Variants in C2orf74 observed in about 807,000 individuals in gnomAD.
C2orf74 encodes the protein uncharacterized protein C2orf74.
In C2orf74, 14 loss-of-function variants were observed where a neutral mutation model predicts 17.9. That is an observed-to-expected ratio of 0.78 (90% confidence interval 0.52 to 1.22). The LOEUF is 1.22. Among genes scored for constraint, C2orf74 ranks in the 50% most tolerant of loss-of-function variants. The pLI is 0.00. For synonymous variants in C2orf74, 79 were observed against 72.6 expected (o/e 1.09, Z -0.44); for missense variants, 217 against 218.4 (o/e 0.99, Z 0.04).
upstream of C2orf74, among the ~76,000 whole-genome samples, chr2:61,161,068 A>C (rs2103642884): frequency 6.6e-6 from 1 of 152,254 alleles, no homozygotes; most frequent in South Asian, 2.1e-4. Flanking sequence ...CCTCACCAAT[A>C]CTTTTTTTTC....
At chr2:61,157,963 ACG>A (rs1226539718), upstream of C2orf74, 19 of 471,112 alleles carry the variant, frequency 4.0e-5, no homozygotes, top group East Asian at 1.3e-3. Flanking sequence ...TCCTGTCACC[ACG>A]AGTGGACACC....
At chr2:61,161,932 A>C (rs1685573136), upstream of C2orf74, 1 of 153,516 alleles carries the variant, frequency 6.5e-6, no homozygotes, top group Non-Finnish European at 1.5e-5. Context: ...GGCTCAGATT[A>C]GGAAAGGAAA....
chr2:61,163,659 A>G (rs1685643437), intron 4 of C2orf74, among the ~76,000 whole-genome samples: 1 of 152,048 alleles, frequency 6.6e-6, no homozygotes, highest in South Asian at 2.1e-4. Flanking sequence ...GTTGCATATA[A>G]CTTAGGTTTG....
upstream of C2orf74, chr2:61,157,774 C>T (rs1003022980): frequency 8.1e-5 from 35 of 432,596 alleles, no homozygotes; most frequent in Non-Finnish European, 1.5e-5. Flanking sequence ...TGTCCACTGC[C>T]CCTAGTTTCC....
intron 1 of C2orf74, among the ~76,000 whole-genome samples, chr2:61,153,303 C>T (rs1227739123): frequency 6.6e-6 from 1 of 151,934 alleles, no homozygotes; most frequent in African/African-American, 2.4e-5. Flanking sequence ...TTTTTTGAGA[C>T]GGAGTCTCGC....
rs981533855 is a variant in C2orf74, at chr2:61,163,071, A to T, written c.229A>T (p.Asn77Tyr). The T allele has an allele frequency of 6.4e-7, 1 of 1,552,134 alleles. No individual in the cohort carries two copies. The highest frequency in any genetic ancestry group is 8.7e-7 in the Non-Finnish European group (1 of 1,147,040). The change falls in exon 4 of 5, where the codon AAC becomes TAC. Residue 77 changes from asparagine (N) to tyrosine (Y), a missense_variant. Asn to Tyr is a moderately radical substitution (Grantham distance 143). Transcript: ENST00000432605. ...DHERILMQVM[N>Y]LNVPMRPGIL... ...TTCTAGGATCTTAATGCAAGTCATG[A>T]ACTTGAATGTGCCGATGAGGCCTGG...
chr2:61,159,362 T>G, upstream of C2orf74: 1 of 337,016 alleles, frequency 3.0e-6, no homozygotes. Flanking sequence ...AGTGGCACGA[T>G]CTCAGCTCAC....
chr2:61,152,950 G>T (rs1291640487), intron 1 of C2orf74, among the ~76,000 whole-genome samples: 1 of 150,928 alleles, frequency 6.6e-6, no homozygotes, highest in Non-Finnish European at 1.5e-5. Flanking sequence ...GAGGTCAGGA[G>T]TTTGAGACCA....
intron 1 of C2orf74, among the ~76,000 whole-genome samples, chr2:61,146,215 C>A (rs1685064800): frequency 6.6e-6 from 1 of 152,198 alleles, no homozygotes; most frequent in South Asian, 2.1e-4. Flanking sequence ...AGTGAGGAAT[C>A]AGTTCCCAAC....
At chr2:61,153,540 C>T (rs1685302789) in intron 1 of C2orf74, among the ~76,000 whole-genome samples, 1 of 151,288 alleles carries the variant, frequency 6.6e-6, no homozygotes, top group Admixed American at 6.6e-5. Flanking sequence ...CCTTGGCCTC[C>T]CAAAGTGCTG....
intron 4 of C2orf74, among the ~76,000 whole-genome samples, chr2:61,163,561 C>T (rs544012461): frequency 6.6e-6 from 1 of 151,286 alleles, no homozygotes; most frequent in Admixed American, 6.6e-5. Context: ...CCAAGATCGC[C>T]ACTGCACTCC....
intron 1 of C2orf74, among the ~76,000 whole-genome samples, chr2:61,147,016 C>T (rs1685090860): frequency 6.6e-6 from 1 of 151,682 alleles, no homozygotes; most frequent in Admixed American, 6.6e-5. Context: ...AAAAAACCTC[C>T]AAATTAGATG....
At chr2:61,155,631 C>T (rs562353925) in intron 1 of C2orf74, among the ~76,000 whole-genome samples, 34 of 152,184 alleles carry the variant, frequency 2.2e-4, no homozygotes, top group African/African-American at 7.9e-4. Flanking sequence ...CTCTATTCTC[C>T]TGACTCAGCC....
chr2:61,162,850 G>A lies in C2orf74; in HGVS notation c.104G>A (p.Gly35Asp), dbSNP rs912980208. The A allele has an allele frequency of 6.4e-7, 1 of 1,551,606 alleles. No individual in the cohort carries two copies. Among genetic ancestry groups the A allele is most frequent in the Non-Finnish European group, 8.7e-7 (1 of 1,146,804 alleles). ...GGCTTGTTTGTTTTCAGTTTCCAAG[G>A]CAGGAAAGGTAAAGAGACAAAGAAA... is the stretch of plus-strand genomic sequence containing the variant. ...LVVFLYKCFQ[G>D]RKGKETKKVP... Residue 35 changes from glycine to aspartate, a missense_variant, in exon 3 of 5, where the codon GGC (glycine) becomes GAC (aspartate). Gly to Asp is a moderately conservative substitution (Grantham distance 94). Coordinates refer to ENST00000432605, the MANE Select transcript of C2orf74 (RefSeq NM_001143959.4).
At chr2:61,160,880 C>G (rs963920099), upstream of C2orf74, among the ~76,000 whole-genome samples, 1 of 152,174 alleles carries the variant, frequency 6.6e-6, no homozygotes, top group Non-Finnish European at 1.5e-5. Context: ...CAAGGGTGTA[C>G]AAATATCTGT....
At chr2:61,145,297 A>C (rs1298425831) in intron 1 of C2orf74, 1 of 152,308 alleles carries the variant, frequency 6.6e-6, no homozygotes, top group Non-Finnish European at 1.5e-5. Flanking sequence ...ATATCTAAGA[A>C]TTAACAGGCA....
chr2:61,162,171 TCA>T, upstream of C2orf74: 12 of 260,202 alleles, frequency 4.6e-5, no homozygotes, highest in South Asian at 3.0e-4. Context: ...GGAGCTGGGC[TCA>T]GCTCCAGCTG....
intron 1 of C2orf74, among the ~76,000 whole-genome samples, chr2:61,145,916 G>C (rs1331130018): frequency 6.6e-6 from 1 of 152,204 alleles, no homozygotes; most frequent in African/African-American, 2.4e-5. Context: ...ACTCAATATA[G>C]GAGGGTGTCA....
chr2:61,161,220 C>G, upstream of C2orf74, among the ~76,000 whole-genome samples: 1 of 151,950 alleles, frequency 6.6e-6, no homozygotes, highest in East Asian at 1.9e-4. Flanking sequence ...GGAGAAATGT[C>G]TTGAAATCCT....
Sources: gnomAD v4.1 joint callset for allele counts (sites outside exome capture counted in the v4.1 genomes callset) on GRCh38, gnomAD v4.1.1 for gene constraint, MANE v1.5 for transcripts, NCBI Gene and HGNC (gene_info 2026-07-23, HGNC 2026-07-21) for gene names.